OGDH: variants seen among roughly 807,000 people sequenced by gnomAD.
OGDH encodes oxoglutarate dehydrogenase.
Under a neutral mutation model 116.6 loss-of-function variants are expected in OGDH, and 38 were observed. The observed-to-expected ratio is 0.33, with a 90% CI of 0.25 to 0.43. OGDH has a LOEUF of 0.43. Ranked by LOEUF, OGDH falls within the 20% of genes least tolerant of loss-of-function variation. The pLI, the probability that OGDH is intolerant of heterozygous loss-of-function variation, is 1.00. For synonymous variants in OGDH, 488 were observed against 533.3 expected (o/e 0.92, Z 1.17); for missense variants, 825 against 1,357.2 (o/e 0.61, Z 6.16).
Position 44,645,346 on chromosome 7 carries a change from G to T in OGDH, c.242G>T (p.Arg81Leu). The change falls in exon 3 of 23, where the codon CGC becomes CTC. Residue 81 changes from arginine (R) to leucine (L), a missense_variant. Physicochemically the swap from Arg to Leu is moderately radical, Grantham distance 102. Around this residue, in one of 7 missense-constraint regions of OGDH, gnomAD observed 126 missense variants for 130.4 expected, o/e 0.97. Coordinates refer to ENST00000222673, the MANE Select transcript of OGDH (RefSeq NM_002541.4). ...CTTTAGTCATGGGACATTTTTTTTC[G>T]CAACACGAATGCCGGAGCCCCACCG... ...SVHKSWDIFFRNTNAGAPPGT... is the reference protein window; with the variant it reads ...SVHKSWDIFFLNTNAGAPPGT... 1.9e-6 allele frequency: 3 copies of T among 1,607,626 alleles called. No homozygotes were observed. The highest frequency in any genetic ancestry group is 1.7e-6 in the Non-Finnish European group (2 of 1,178,210).
chr7:44,707,196 C>G lies in OGDH; in HGVS notation c.2633-29C>G, dbSNP rs1309654852. On this transcript the variant is annotated intron_variant, in intron 20 of 22. Transcript: ENST00000222673. The surrounding 1 kb of genome is among the most constrained non-coding windows in gnomAD (Gnocchi z 5.2). ...GCTCTCAGCCACATACCTGAGAGAACCAGCCTAGCCATGGGAACTCTCTTG... is the reference window on the plus strand; with the variant it reads ...GCTCTCAGCCACATACCTGAGAGAAGCAGCCTAGCCATGGGAACTCTCTTG... 3 of 1,611,446 alleles carry G rather than the reference C, an allele frequency of 1.9e-6. No homozygotes were observed. Among genetic ancestry groups the G allele is most frequent in the South Asian group, 2.2e-5 (2 of 90,822 alleles).
chr7:44,614,258 A>T (rs897389401), intron 1 of OGDH, among the ~76,000 whole-genome samples: 1 of 142,800 alleles, frequency 7.0e-6, no homozygotes, highest in Non-Finnish European at 1.5e-5. Flanking sequence ...CTTGTGTATA[A>T]TGCACCATTT....
rs755216926 is a variant in OGDH, at chr7:44,700,173, G to A, written c.2463G>A (p.Gln821=). 6.2e-7 allele frequency: 1 copy of A among 1,614,188 alleles called. No individual in the cohort carries two copies. Among genetic ancestry groups the A allele is most frequent in the Non-Finnish European group, 8.5e-7 (1 of 1,180,024 alleles). Residue 821 remains glutamine (Q), a synonymous_variant, in exon 19 of 23, where the codon CAG becomes CAA. Coordinates refer to ENST00000222673, the MANE Select transcript of OGDH (RefSeq NM_002541.4). ...DLKEANFDIN[Q]LYDCNWVVVN... is the part of the protein sequence containing the mutation. ...AAGAAGCCAACTTCGACATCAATCA[G>A]CTATATGACTGCAATTGGGTTGTTG...
At position 44,693,786 on chromosome 7, in the gene OGDH, T is replaced by C. The variant is rs776428343; in HGVS notation, c.1336-39T>C. 7.8e-6 allele frequency: 12 copies of C among 1,532,864 alleles called. No individual in the cohort carries two copies. In the Admixed American group the frequency reaches 9.2e-5, roughly 12 times the overall value. 95.0% of individuals were successfully genotyped at this position (1,532,864 alleles called of 1,614,324 possible). ...CGCCCTCTGGTCCCTGTGCCGGCTG[T>C]GCCAGGTGCCCTCTTGCTAGGCTAC... On this transcript the variant is annotated intron_variant, in intron 10 of 22. Coordinates refer to ENST00000222673, the MANE Select transcript of OGDH (RefSeq NM_002541.4).
intron 2 of OGDH, among the ~76,000 whole-genome samples, chr7:44,630,329 GTGGAAGTCTGA>G (rs533072758): frequency 7.4e-4 from 112 of 152,352 alleles, no homozygotes; most frequent in Non-Finnish European, 1.2e-3. Flanking sequence ...CAGTGGGTAT[GTGGAAGTCTGA>G]TGGAAGTCTG....
intron 5 of OGDH, among the ~76,000 whole-genome samples, chr7:44,671,029 G>A (rs374080621): frequency 8.3e-4 from 116 of 139,482 alleles, no homozygotes; most frequent in Middle Eastern, 3.6e-3. Flanking sequence ...AAAAAAAAAA[G>A]AAAAGAAAAA....
chr7:44,692,486 T>C (rs1202490450), intron 10 of OGDH, among the ~76,000 whole-genome samples: 1 of 152,216 alleles, frequency 6.6e-6, no homozygotes, highest in Non-Finnish European at 1.5e-5. Flanking sequence ...AGTGTCCTCC[T>C]CTGATTTAAG....
intron 2 of OGDH, among the ~76,000 whole-genome samples, chr7:44,634,168 G>A (rs1250495093): frequency 6.6e-6 from 1 of 152,204 alleles, no homozygotes; most frequent in East Asian, 1.9e-4. Context: ...TGTTCACTGG[G>A]CCCTGCCATC....
chr7:44,624,358 G>A lies in OGDH; in HGVS notation c.15G>A (p.Arg5=). Residue 5 remains arginine (R), a synonymous_variant, in exon 2 of 23, where the codon AGG becomes AGA. Transcript: ENST00000222673. MFHL[R]TCAAKLRPLT... ...TCAGGACAAAAATGTTTCATTTAAG[G>A]ACTTGTGCTGCTAAGTTGAGGCCAT... The A allele has an allele frequency of 6.3e-7, 1 of 1,597,718 alleles. No individual in the cohort carries two copies. The highest frequency in any genetic ancestry group is 2.3e-5 in the East Asian group (1 of 44,344).
At chr7:44,629,899 G>T (rs1181880006) in intron 2 of OGDH, among the ~76,000 whole-genome samples, 1 of 152,132 alleles carries the variant, frequency 6.6e-6, no homozygotes, top group East Asian at 1.9e-4. Context: ...TTTCTTGATG[G>T]TTTTTTCTTC....
At chr7:44,636,568 ATTTAAT>A (rs553587189) in intron 2 of OGDH, among the ~76,000 whole-genome samples, 322 of 152,362 alleles carry the variant, frequency 2.1e-3, no homozygotes, top group Non-Finnish European at 3.8e-3. Flanking sequence ...TATCATCTGA[ATTTAAT>A]TCAGTAAAGG....
Position 44,624,291 on chromosome 7 carries a change from G to GGTT in OGDH, c.-27-26_-27-25insGTT, listed in dbSNP as rs1785114582. The GGTT allele has an allele frequency of 5.3e-6, 4 of 760,346 alleles. No homozygotes were observed. The African/African-American group carries it at 7.3e-5, about 14-fold the overall frequency. 47.1% of individuals were successfully genotyped at this position (760,346 alleles called of 1,614,324 possible). On this transcript the variant is annotated intron_variant, in intron 1 of 22. Transcript: ENST00000222673. ...CTCATTTTTAAAACCTTTCTTTCTT[G>GGTT]TTTTTTTTTTTTTTTTTTTGTACAG...
chr7:44,630,087 G>A (rs1785375215), intron 2 of OGDH, among the ~76,000 whole-genome samples: 1 of 152,190 alleles, frequency 6.6e-6, no homozygotes, highest in African/African-American at 2.4e-5. Context: ...CACAGTACTG[G>A]TGTTTTCTAT....
At chr7:44,665,918 G>T (rs1485440697) in intron 4 of OGDH, among the ~76,000 whole-genome samples, 1 of 152,182 alleles carries the variant, frequency 6.6e-6, no homozygotes, top group Non-Finnish European at 1.5e-5. Flanking sequence ...AGCTCTTCCA[G>T]CATTATTCTT....
rs56021103 is a variant in OGDH at position 44,691,531 on chromosome 7, C to CA, written c.1336-2276dup. Among the ~76,000 whole-genome samples the CA allele has an allele frequency of 9.9e-3, 768 of 77,272 alleles. 5 individuals are homozygous for CA. The highest frequency in any genetic ancestry group is 0.025 in the Middle Eastern group (3 of 122). 50.7% of individuals were successfully genotyped at this position (77,272 alleles called of 152,430 possible). On this transcript the variant is annotated intron_variant, in intron 10 of 22. Transcript: ENST00000222673. The stretch of plus-strand genomic sequence containing the variant: ...TGGGCAACAGAGTGAGACCTTCTCT[C>CA]AAAAAAAAAAAAAAAAAAGGTTTTT...
At position 44,624,320 on chromosome 7, in the gene OGDH, GT is replaced by G. The variant is rs779333815; in HGVS notation, c.-22del. 2 of 823,556 alleles carry G rather than the reference GT, an allele frequency of 2.4e-6. No homozygotes were observed. Among genetic ancestry groups the G allele is most frequent in the South Asian group, 3.4e-5 (2 of 59,638 alleles). The allele number at this position is 823,556 out of a possible 1,614,324, so 51.0% of individuals were successfully genotyped here. A position where few individuals can be genotyped will look rare whatever the true frequency, so the allele number is the denominator to read the frequency against. ...TTTTTTTTTTTTTTTTGTACAGGCA[GT>G]TGTGAAAAACTTCAGGACAAAAATG... On this transcript the variant is annotated 5_prime_UTR_variant, in exon 2 of 23. Coordinates refer to ENST00000222673, the MANE Select transcript of OGDH (RefSeq NM_002541.4).
chr7:44,676,437 C>A, intron 9 of OGDH: 1 of 498,440 alleles, frequency 2.0e-6, no homozygotes. Flanking sequence ...CGCCTGTAAT[C>A]CCAGCTACTC....
At chr7:44,628,425 A>G (rs1785291681) in intron 2 of OGDH, among the ~76,000 whole-genome samples, 3 of 149,718 alleles carry the variant, frequency 2.0e-5, no homozygotes, top group Admixed American at 2.0e-4. Context: ...TGGTCGTTGT[A>G]TTCCTTATTT....
rs1789125613 is a variant in OGDH, at chr7:44,707,340, C to T, written c.2748C>T (p.Arg916=). 1.9e-6 allele frequency: 3 copies of T among 1,614,266 alleles called. No homozygotes were observed. Among genetic ancestry groups the T allele is most frequent in the Non-Finnish European group, 2.5e-6 (3 of 1,180,036 alleles). ...TGTATTATGACCTCACCCGGGAGCGCAAAGCACGCGACATGGTGGGGCAGG... is the reference window on the plus strand; with the variant it reads ...TGTATTATGACCTCACCCGGGAGCGTAAAGCACGCGACATGGTGGGGCAGG... ...GKVYYDLTRE[R]KARDMVGQVA... Residue 916 remains arginine (R), a synonymous_variant, in exon 21 of 23, where the codon CGC becomes CGT. Transcript: ENST00000222673. The surrounding 1 kb of genome is among the most constrained non-coding windows in gnomAD (Gnocchi z 5.2).
Sources: allele counts gnomAD v4.1 joint callset (sites outside exome capture counted in the v4.1 genomes callset), GRCh38; gene constraint gnomAD v4.1.1; regional missense constraint gnomAD v4.1.1; non-coding constraint Gnocchi (gnomAD v3.1); transcripts MANE v1.5; gene names NCBI Gene and HGNC (gene_info 2026-07-23, HGNC 2026-07-21).